KLHL1: variants seen among roughly 807,000 people sequenced by gnomAD.
The protein encoded by KLHL1 is kelch-like protein 1.
Under a neutral mutation model 77.7 loss-of-function variants are expected in KLHL1, and 47 were observed. That is an observed-to-expected ratio of 0.60 (90% CI 0.48 to 0.77). The LOEUF is 0.77. KLHL1 is among the 30% of genes least tolerant of loss of function. The probability of loss-of-function intolerance (pLI) is 0.00; values close to 1 mark genes in which losing one functional copy is unlikely to be tolerated. For synonymous variants in KLHL1, 360 were observed against 325.2 expected (o/e 1.11, Z -1.15); for missense variants, 925 against 910.8 (o/e 1.02, Z -0.20).
intron 10 of KLHL1, among the ~76,000 whole-genome samples, 155 bp downstream of exon 10, chr13:69,707,470 G>A (rs1346185074): frequency 6.6e-6 from 1 of 151,754 alleles, no homozygotes; most frequent in Non-Finnish European, 1.5e-5. Flanking sequence ...AATGTATAAT[G>A]AACTTTTTAC....
intron 10 of KLHL1, among the ~76,000 whole-genome samples, 186 bp from the exon 11 acceptor site, chr13:69,701,947 T>G (rs1352496831): frequency 2.6e-5 from 4 of 151,786 alleles, no homozygotes; most frequent in Non-Finnish European, 4.4e-5. Flanking sequence ...GATTTGTATA[T>G]TGAAAATTTT....
chr13:69,932,865 G>T (rs1041804242), intron 4 of KLHL1, among the ~76,000 whole-genome samples: 1 of 151,814 alleles, frequency 6.6e-6, no homozygotes, highest in East Asian at 1.9e-4. Flanking sequence ...AAGTTCTAGG[G>T]ATCTAATTTA....
At chr13:69,987,486 C>T (rs929847891) in intron 1 of KLHL1, among the ~76,000 whole-genome samples, 2 of 148,952 alleles carry the variant, frequency 1.3e-5, no homozygotes, top group African/African-American at 5.0e-5. Flanking sequence ...TGAAGTATCA[C>T]AAAGTAAAAA....
chr13:69,725,446 T>C (rs73522051), intron 8 of KLHL1, among the ~76,000 whole-genome samples: 3,479 of 152,174 alleles, frequency 0.023, 125 homozygotes, highest in African/African-American at 0.077. Context: ...TCACATCTCA[T>C]AGGTCAGAAC....
At chr13:69,744,496 T>A (rs1438418649) in intron 7 of KLHL1, among the ~76,000 whole-genome samples, 1 of 150,434 alleles carries the variant, frequency 6.6e-6, no homozygotes, top group Non-Finnish European at 1.5e-5. Flanking sequence ...AATATATATA[T>A]ATTACATTAA....
intron 7 of KLHL1, among the ~76,000 whole-genome samples, chr13:69,765,143 G>T (rs1348827777): frequency 1.3e-5 from 2 of 151,016 alleles, no homozygotes. Flanking sequence ...GTAGAGATGG[G>T]ATTTTGCCAT....
chr13:69,990,043 A>C (rs1478518335), intron 1 of KLHL1, among the ~76,000 whole-genome samples: 1 of 152,010 alleles, frequency 6.6e-6, no homozygotes, highest in African/African-American at 2.4e-5. Flanking sequence ...AAAGAAAATA[A>C]ATTCCAACCA....
At chr13:70,083,782 G>A (rs1887451311) in intron 1 of KLHL1, among the ~76,000 whole-genome samples, 1 of 151,986 alleles carries the variant, frequency 6.6e-6, no homozygotes, top group Non-Finnish European at 1.5e-5. Context: ...AAATTTGTAA[G>A]TCTGAATTAC....
At position 69,796,976 on chromosome 13, in the gene KLHL1, A is replaced by C. The variant is rs751199313; in HGVS notation, c.1415-14T>G. On this transcript the variant is annotated splice_polypyrimidine_tract_variant and intron_variant, in intron 6 of 10. Coordinates refer to ENST00000377844, the MANE Select transcript of KLHL1 (RefSeq NM_020866.3). ...TAGTTGTAGCTCCTGATAAAACATA[A>C]AATCAAAAAGTCACCAATTGCTATA... is the stretch of plus-strand genomic sequence containing the variant. 6.2e-7 allele frequency: 1 copy of C among 1,609,166 alleles called. No individual in the cohort carries two copies.
intron 6 of KLHL1, 30 bp downstream of exon 6, chr13:69,838,946 G>A (rs1348302031): frequency 6.8e-7 from 1 of 1,479,822 alleles, no homozygotes; most frequent in African/African-American, 1.4e-5. Flanking sequence ...AACACAGGAT[G>A]TATAGTTATA....
At chr13:70,041,393 T>A (rs1886377150) in intron 1 of KLHL1, among the ~76,000 whole-genome samples, 1 of 152,214 alleles carries the variant, frequency 6.6e-6, no homozygotes, top group African/African-American at 2.4e-5. Flanking sequence ...CATTGCTTTT[T>A]GGGTGAAGGT....
intron 4 of KLHL1, among the ~76,000 whole-genome samples, chr13:69,937,925 T>C (rs1566423143): frequency 6.6e-6 from 1 of 152,162 alleles, no homozygotes; most frequent in African/African-American, 2.4e-5. Context: ...AAGTGTTCCT[T>C]ATGTATTAAG....
At chr13:69,708,660 T>G (rs1274376038) in intron 9 of KLHL1, among the ~76,000 whole-genome samples, 2 of 152,006 alleles carry the variant, frequency 1.3e-5, no homozygotes, top group African/African-American at 4.8e-5. Context: ...ATATACTACA[T>G]ACAAATATTT....
At chr13:69,707,912 T>A in intron 9 of KLHL1, 116 bp from the exon 10 acceptor site, 1 of 737,538 alleles carries the variant, frequency 1.4e-6, no homozygotes, top group Non-Finnish European at 2.1e-6. Context: ...TTTTTTTCTC[T>A]AAAGGCTCAA....
In KLHL1 at chr13:69,789,613, T is replaced by C. The variant is rs117306163; in HGVS notation, c.1639+7125A>G. On this transcript the variant is annotated intron_variant, in intron 7 of 10. Coordinates refer to ENST00000377844, the MANE Select transcript of KLHL1 (RefSeq NM_020866.3). ...GTTAACCAATAGTAGAATGAACAAA[T>C]GACCATTTTTTTTCCTCTACTGTCC... Among the ~76,000 whole-genome samples the C allele has an allele frequency of 6.8e-3, 1,033 of 152,270 alleles. 6 individuals are homozygous for C. Among genetic ancestry groups the C allele is most frequent in the Middle Eastern group, 0.02 (6 of 294 alleles).
At chr13:69,912,567 A>AT (rs1209907252) in intron 4 of KLHL1, among the ~76,000 whole-genome samples, 1 of 151,894 alleles carries the variant, frequency 6.6e-6, no homozygotes, top group East Asian at 1.9e-4. Context: ...ATTTTTTTTT[A>AT]TTAAAAGATT....
intron 1 of KLHL1, among the ~76,000 whole-genome samples, chr13:70,022,604 T>G: frequency 6.6e-6 from 1 of 151,988 alleles, no homozygotes; most frequent in South Asian, 2.1e-4. Flanking sequence ...TTTAAATTTT[T>G]ACTATTTACA....
intron 1 of KLHL1, among the ~76,000 whole-genome samples, chr13:70,062,340 A>G (rs1383703287): frequency 6.6e-6 from 1 of 152,196 alleles, no homozygotes; most frequent in African/African-American, 2.4e-5. Context: ...ATTTAGATGT[A>G]AAAGTGAAAT....
chr13:69,943,005 G>A (rs1002547514), intron 3 of KLHL1, among the ~76,000 whole-genome samples: 1 of 151,884 alleles, frequency 6.6e-6, no homozygotes, highest in Admixed American at 6.6e-5. Context: ...AATTTATGTT[G>A]GTGAAGAATC....
Sources: allele counts gnomAD v4.1 joint callset (sites outside exome capture counted in the v4.1 genomes callset), GRCh38; gene constraint gnomAD v4.1.1; transcripts MANE v1.5; gene names NCBI Gene and HGNC (gene_info 2026-07-23, HGNC 2026-07-21).